The following HS6ST3 variants were observed in gnomAD, a reference collection of about 807,000 sequenced individuals.
HS6ST3 encodes heparan sulfate 6-O-sulfotransferase 3, also known as heparan-sulfate 6-O-sulfotransferase 3.
In HS6ST3, 12 loss-of-function variants were observed where a neutral mutation model predicts 36.7. That is an observed-to-expected ratio of 0.33 (90% CI 0.21 to 0.53). The LOEUF is 0.53. HS6ST3 is among the 20% of genes least tolerant of loss of function. The pLI, the probability that HS6ST3 is intolerant of heterozygous loss-of-function variation, is 0.95. For missense variants in HS6ST3, 584 were observed against 640.9 expected, an observed-to-expected ratio of 0.91 and a Z score of 0.96; for synonymous variants, 240 against 257.5, an observed-to-expected ratio of 0.93 and a Z score of 0.65.
intron 1 of HS6ST3, among the ~76,000 whole-genome samples, chr13:96,789,675 C>T (rs1167515799): frequency 6.7e-6 from 1 of 149,860 alleles, no homozygotes; most frequent in African/African-American, 2.4e-5. Flanking sequence ...TATATTTTTG[C>T]TGATGTAGAC....
At chr13:96,204,913 T>A (rs2054361940) in intron 1 of HS6ST3, among the ~76,000 whole-genome samples, 1 of 151,948 alleles carries the variant, frequency 6.6e-6, no homozygotes, top group South Asian at 2.1e-4. Flanking sequence ...CAACCTAACA[T>A]CTCAATTAAA....
chr13:96,329,454 A>G (rs1359232934), intron 1 of HS6ST3, among the ~76,000 whole-genome samples: 2 of 146,654 alleles, frequency 1.4e-5, no homozygotes, highest in African/African-American at 2.6e-5. Context: ...GTAGTCATTC[A>G]GGAGCAGGTT....
chr13:96,317,468 A>C (rs1438669150), intron 1 of HS6ST3, among the ~76,000 whole-genome samples: 1 of 149,172 alleles, frequency 6.7e-6, no homozygotes, highest in Non-Finnish European at 1.5e-5. Flanking sequence ...TCCACTATTG[A>C]TGGGCACTTA....
At chr13:96,781,077 G>T (rs1326250579) in intron 1 of HS6ST3, among the ~76,000 whole-genome samples, 4 of 152,128 alleles carry the variant, frequency 2.6e-5, no homozygotes, top group Non-Finnish European at 5.9e-5. Flanking sequence ...AGCTGTGTCT[G>T]TCTAACTATG....
intron 1 of HS6ST3, among the ~76,000 whole-genome samples, chr13:96,699,184 G>A (rs1187480916): frequency 2.6e-5 from 4 of 152,114 alleles, no homozygotes; most frequent in Non-Finnish European, 5.9e-5. Flanking sequence ...CAGGACATAG[G>A]TATGGGCAAG....
At chr13:96,221,420 CT>C (rs1489685561) in intron 1 of HS6ST3, among the ~76,000 whole-genome samples, 5 of 152,254 alleles carry the variant, frequency 3.3e-5, no homozygotes, top group African/African-American at 1.2e-4. Flanking sequence ...TTCTGATTGT[CT>C]TAAATAGTGT....
At chr13:96,796,373 A>T (rs1032322448) in intron 1 of HS6ST3, among the ~76,000 whole-genome samples, 35 of 152,248 alleles carry the variant, frequency 2.3e-4, no homozygotes, top group African/African-American at 8.2e-4. Context: ...GATATGGCAA[A>T]TAAAACAATA....
At chr13:96,645,095 G>T (rs1054683907) in intron 1 of HS6ST3, among the ~76,000 whole-genome samples, 1 of 151,906 alleles carries the variant, frequency 6.6e-6, no homozygotes, top group African/African-American at 2.4e-5. Flanking sequence ...GCCTAATAGG[G>T]TTACTGGCAT....
At chr13:96,238,013 G>GT (rs2054542586) in intron 1 of HS6ST3, among the ~76,000 whole-genome samples, 1 of 152,104 alleles carries the variant, frequency 6.6e-6, no homozygotes, top group African/African-American at 2.4e-5. Flanking sequence ...TTGCCATCTT[G>GT]ACATCTTCAG....
chr13:96,811,016 C>G (rs1385842290), intron 1 of HS6ST3, among the ~76,000 whole-genome samples: 3 of 152,132 alleles, frequency 2.0e-5, no homozygotes, highest in Admixed American at 6.5e-5. Flanking sequence ...CCCCCTCCCC[C>G]CAACTCCAAT....
Position 96,836,460 on chromosome 13 carries a change from A to T in HS6ST3, c.*3262A>T, listed in dbSNP as rs1482809924. 2 of 152,246 alleles carry T rather than the reference A, an allele frequency of 1.3e-5. No individual in the cohort carries two copies. Among genetic ancestry groups the T allele is most frequent in the Non-Finnish European group, 2.9e-5 (2 of 68,048 alleles). 9.4% of individuals were successfully genotyped at this position (152,246 alleles called of 1,614,324 possible). On this transcript the variant is annotated 3_prime_UTR_variant, in exon 2 of 2. Transcript: ENST00000376705. ...CCTGAGAATTATTAGAATGCTAATAATAGTAATTGGTAACATTAACAATCA... is the reference window on the plus strand; with the variant it reads ...CCTGAGAATTATTAGAATGCTAATATTAGTAATTGGTAACATTAACAATCA...
At chr13:96,782,089 T>C (rs1420079155) in intron 1 of HS6ST3, among the ~76,000 whole-genome samples, 1 of 152,226 alleles carries the variant, frequency 6.6e-6, no homozygotes, top group Non-Finnish European at 1.5e-5. Flanking sequence ...CTGAAATTAT[T>C]GTGAACTTTC....
At chr13:96,316,299 GTA>G (rs1555297545) in intron 1 of HS6ST3, among the ~76,000 whole-genome samples, 14 of 136,942 alleles carry the variant, frequency 1.0e-4, no homozygotes, top group South Asian at 4.6e-4. Context: ...GTGTGTGTGT[GTA>G]TGTGTACAGT....
At chr13:96,668,358 G>T (rs1284663777) in intron 1 of HS6ST3, among the ~76,000 whole-genome samples, 4 of 152,136 alleles carry the variant, frequency 2.6e-5, no homozygotes, top group African/African-American at 9.7e-5. Flanking sequence ...GCTGAAAAAG[G>T]TTAGACAATA....
chr13:96,168,136 T>G (rs2054169783), intron 1 of HS6ST3, among the ~76,000 whole-genome samples: 1 of 152,122 alleles, frequency 6.6e-6, no homozygotes. Context: ...AAAACTAGTC[T>G]CTATTTATTT....
intron 1 of HS6ST3, among the ~76,000 whole-genome samples, chr13:96,685,848 A>G (rs1874759313): frequency 6.6e-6 from 1 of 152,076 alleles, no homozygotes; most frequent in East Asian, 1.9e-4. Context: ...CATGCCCGGC[A>G]TGCCACTTTC....
intron 1 of HS6ST3, among the ~76,000 whole-genome samples, chr13:96,212,231 G>A (rs916797687): frequency 4.6e-5 from 7 of 152,156 alleles, no homozygotes; most frequent in East Asian, 1.9e-4. Flanking sequence ...TTTTAGCCAC[G>A]CACACAAGAA....
intron 1 of HS6ST3, among the ~76,000 whole-genome samples, chr13:96,331,305 G>T (rs1430273790): frequency 1.3e-5 from 2 of 151,890 alleles, no homozygotes; most frequent in East Asian, 1.9e-4. Context: ...CCCCATCTTT[G>T]TGGTTTTATC....
At chr13:96,523,914 G>A (rs2056103720) in intron 1 of HS6ST3, among the ~76,000 whole-genome samples, 3 of 152,202 alleles carry the variant, frequency 2.0e-5, no homozygotes, top group Admixed American at 2.0e-4. Flanking sequence ...GTGAGGAGTT[G>A]TGTTCCTTTG....
Sources: gnomAD v4.1 joint callset for allele counts (sites outside exome capture counted in the v4.1 genomes callset) on GRCh38, gnomAD v4.1.1 for gene constraint, MANE v1.5 for transcripts, NCBI Gene and HGNC (gene_info 2026-07-23, HGNC 2026-07-21) for gene names.